The following SCN8A variants were observed in gnomAD, a reference collection of about 807,000 sequenced individuals.
SCN8A encodes sodium voltage-gated channel alpha subunit 8.
SCN8A carries 30 observed loss-of-function variants against 184.1 expected under a neutral mutation model. The observed-to-expected ratio is 0.16, with a 90% CI of 0.12 to 0.22. The LOEUF (loss-of-function observed/expected upper bound fraction) is 0.22. Among genes scored for constraint, SCN8A ranks in the 10% least tolerant of loss-of-function variants. The probability of loss-of-function intolerance (pLI) is 1.00; values close to 1 mark genes in which losing one functional copy is unlikely to be tolerated. For synonymous variants in SCN8A, 852 were observed against 907.0 expected (o/e 0.94, Z 1.09); for missense variants, 1,057 against 2,498.9 (o/e 0.42, Z 12.30).
chr12:51,679,349 T>C (rs1290796801), intron 2 of SCN8A, among the ~76,000 whole-genome samples: 1 of 152,248 alleles, frequency 6.6e-6, no homozygotes, highest in Non-Finnish European at 1.5e-5. Context: ...CTGGGGCAGA[T>C]CAGTTTTGCC....
rs373073046 is a variant in SCN8A at position 51,745,960 on chromosome 12, G to A, written c.2056G>A (p.Asp686Asn). The change falls in exon 13 of 27, where the codon GAC (aspartate) becomes AAC (asparagine). Residue 686 changes from aspartate to asparagine, a missense_variant. Asp to Asn is a conservative substitution (Grantham distance 23, BLOSUM62 1). Coordinates refer to ENST00000627620, the MANE Select transcript of SCN8A (RefSeq NM_001330260.2). ...KGPGSLLVSMDQLASYGRKDR... is the reference protein window; with the variant it reads ...KGPGSLLVSMNQLASYGRKDR... ...CCCTGGATCTCTTTTAGTTTCCATG[G>A]ACCAATTAGCCTCCTACGGGCGGAA... 6.6e-5 allele frequency: 106 copies of A among 1,611,624 alleles called. No homozygotes were observed. Among genetic ancestry groups the A allele is most frequent in the Non-Finnish European group, 8.7e-5 (103 of 1,178,902 alleles).
intron 1 of SCN8A, among the ~76,000 whole-genome samples, chr12:51,594,579 C>T (rs1404940908): frequency 6.6e-6 from 1 of 152,126 alleles, no homozygotes; most frequent in Non-Finnish European, 1.5e-5. Flanking sequence ...TGTCTAAGGA[C>T]ACTAAAGCTA....
chr12:51,725,475 T>C (rs1028805638), intron 12 of SCN8A, among the ~76,000 whole-genome samples: 4 of 152,256 alleles, frequency 2.6e-5, no homozygotes, highest in South Asian at 2.1e-4. Context: ...CCATCATATA[T>C]TGAGTTCTTA....
intron 2 of SCN8A, among the ~76,000 whole-genome samples, chr12:51,673,591 G>T (rs1941170409): frequency 2.0e-5 from 3 of 152,266 alleles, no homozygotes; most frequent in African/African-American, 4.8e-5. Flanking sequence ...ATAGTTAAAG[G>T]TTAGGTGATT....
intron 1 of SCN8A, among the ~76,000 whole-genome samples, chr12:51,610,135 A>G (rs1359621021): frequency 7.4e-6 from 1 of 134,538 alleles, no homozygotes; most frequent in Non-Finnish European, 1.5e-5. Context: ...ACACCATGGC[A>G]CTCCAGCCTG....
In SCN8A at chr12:51,806,874, C is replaced by T; in HGVS notation, c.5388C>T (p.Asp1796=). ...ETFYEIWEKF[D]PDATQFIEYC... ...TCTATGAGATCTGGGAGAAGTTCGA[C>T]CCCGATGCCACCCAGTTCATTGAGT... The change falls in exon 27 of 27, where the codon GAC becomes GAT. Residue 1796 remains aspartate (D), a synonymous_variant. Transcript: ENST00000627620. The surrounding 1 kb of genome is among the most constrained non-coding windows in gnomAD (Gnocchi z 8.7). 1 of 1,613,680 alleles carries T rather than the reference C, an allele frequency of 6.2e-7. No individual in the cohort carries two copies. Among genetic ancestry groups the T allele is most frequent in the Non-Finnish European group, 8.5e-7 (1 of 1,179,610 alleles).
At chr12:51,791,491 A>T (rs972362815) in intron 25 of SCN8A, among the ~76,000 whole-genome samples, 3 of 152,164 alleles carry the variant, frequency 2.0e-5, no homozygotes, top group African/African-American at 7.2e-5. Flanking sequence ...AAACAAACAA[A>T]CAAAAAAGCA....
chr12:51,792,768 A>C (rs974383695), intron 25 of SCN8A, among the ~76,000 whole-genome samples: 2 of 152,122 alleles, frequency 1.3e-5, no homozygotes, highest in Non-Finnish European at 2.9e-5. Flanking sequence ...TTTGAGACAG[A>C]GTCTCTCTCT....
At chr12:51,684,420 C>G (rs1390087245) in intron 3 of SCN8A, 128 bp downstream of exon 3, 1 of 687,646 alleles carries the variant, frequency 1.5e-6, no homozygotes, top group East Asian at 2.7e-5. Flanking sequence ...GCCCATCAGT[C>G]AGAGGTTTAA....
intron 14 of SCN8A, among the ~76,000 whole-genome samples, chr12:51,759,421 A>T (rs960305398): frequency 3.3e-5 from 5 of 152,240 alleles, no homozygotes; most frequent in Non-Finnish European, 5.9e-5. Flanking sequence ...CAGCATGGAT[A>T]CACTGGACAA....
chr12:51,692,903 G>T (rs1941535418), intron 6 of SCN8A, among the ~76,000 whole-genome samples: 7 of 152,212 alleles, frequency 4.6e-5, no homozygotes, highest in African/African-American at 1.7e-4. Flanking sequence ...TTTCATTTCT[G>T]TCATTTAAAT....
intron 1 of SCN8A, among the ~76,000 whole-genome samples, chr12:51,632,959 T>C (rs1940229382): frequency 6.6e-6 from 1 of 152,178 alleles, no homozygotes; most frequent in African/African-American, 2.4e-5. Flanking sequence ...GCTTTACCTC[T>C]CTGAGCTTTA....
chr12:51,631,811 A>G (rs1940201813), intron 1 of SCN8A, among the ~76,000 whole-genome samples: 1 of 152,202 alleles, frequency 6.6e-6, no homozygotes, highest in Admixed American at 6.5e-5. Flanking sequence ...TCATTCATTG[A>G]TCATGTGCTT....
At chr12:51,798,243 C>T (rs187042977) in intron 26 of SCN8A, among the ~76,000 whole-genome samples, 335 of 152,262 alleles carry the variant, frequency 2.2e-3, no homozygotes, top group Middle Eastern at 6.8e-3. Flanking sequence ...AACCCACTGC[C>T]GCACTTCTTA....
chr12:51,683,670 TTC>T (rs1289763596), intron 2 of SCN8A, among the ~76,000 whole-genome samples: 2 of 152,238 alleles, frequency 1.3e-5, no homozygotes, highest in Non-Finnish European at 2.9e-5. Context: ...ACTTGTCATC[TTC>T]TGTGTAGCAC....
chr12:51,604,399 T>G (rs1434076482), intron 1 of SCN8A, among the ~76,000 whole-genome samples: 3 of 152,212 alleles, frequency 2.0e-5, no homozygotes, highest in African/African-American at 7.2e-5. Flanking sequence ...ATTTCTGGGC[T>G]CTCTCTTCTG....
chr12:51,647,163 G>T (rs1036236482), intron 1 of SCN8A, among the ~76,000 whole-genome samples: 1 of 150,434 alleles, frequency 6.6e-6, no homozygotes, highest in African/African-American at 2.5e-5. Flanking sequence ...GGGCAACACA[G>T]TGGGACCCCA....
At chr12:51,711,457 G>C (rs1941874403) in intron 11 of SCN8A, among the ~76,000 whole-genome samples, 1 of 152,170 alleles carries the variant, frequency 6.6e-6, no homozygotes, top group South Asian at 2.1e-4. Context: ...GAGTGACTGA[G>C]GAAATCGAGG....
At chr12:51,717,140 A>C (rs1056030736) in intron 11 of SCN8A, among the ~76,000 whole-genome samples, 1 of 152,176 alleles carries the variant, frequency 6.6e-6, no homozygotes, top group Non-Finnish European at 1.5e-5. Context: ...CCTCCATGGC[A>C]TGGCAAGCCC....
Sources: allele counts gnomAD v4.1 joint callset (sites outside exome capture counted in the v4.1 genomes callset), GRCh38; gene constraint gnomAD v4.1.1; non-coding constraint Gnocchi (gnomAD v3.1); transcripts MANE v1.5; gene names NCBI Gene and HGNC (gene_info 2026-07-23, HGNC 2026-07-21).